COL22A1: variants seen among roughly 807,000 people sequenced by gnomAD.
COL22A1 encodes the protein collagen type XXII alpha 1 chain.
Under a neutral mutation model 248.9 loss-of-function variants are expected in COL22A1, and 221 were observed. That is an observed-to-expected ratio of 0.89 (90% CI 0.80 to 0.99). COL22A1 has a LOEUF of 0.99. Among genes scored for constraint, COL22A1 ranks in the 50% least tolerant of loss-of-function variants. COL22A1 has a pLI of 0.00. For missense variants in COL22A1, 2,240 were observed against 2,179.0 expected, an observed-to-expected ratio of 1.03 and a Z score of -0.56; for synonymous variants, 891 against 793.4, an observed-to-expected ratio of 1.12 and a Z score of -2.07.
intron 12 of COL22A1, among the ~76,000 whole-genome samples, chr8:138,784,601 G>C (rs1031109836): frequency 6.6e-6 from 1 of 152,142 alleles, no homozygotes. Flanking sequence ...GTTTAATAAT[G>C]GCAGAACCAA....
chr8:138,859,290 G>C (rs932410434), intron 3 of COL22A1, among the ~76,000 whole-genome samples: 14 of 152,216 alleles, frequency 9.2e-5, no homozygotes, highest in African/African-American at 3.4e-4. Context: ...GAGCCCCCAG[G>C]AAAGGGCAAG....
chr8:138,608,470 A>G (rs2131865318), intron 56 of COL22A1, among the ~76,000 whole-genome samples: 1 of 152,228 alleles, frequency 6.6e-6, no homozygotes, highest in African/African-American at 2.4e-5. Flanking sequence ...TCTCATTTAA[A>G]ATACGTAGAT....
intron 39 of COL22A1, 121 bp from the exon 40 acceptor site, chr8:138,679,797 T>A: frequency 1.1e-6 from 1 of 906,260 alleles, no homozygotes; most frequent in Non-Finnish European, 1.8e-6. Context: ...AGTGTCCAGA[T>A]TAGGGTCTGG....
chr8:138,746,331 T>G (rs1832106871), intron 22 of COL22A1, among the ~76,000 whole-genome samples: 1 of 152,166 alleles, frequency 6.6e-6, no homozygotes, highest in Non-Finnish European at 1.5e-5. Context: ...TGAGTGATGT[T>G]TCAATTGAAG....
intron 62 of COL22A1, 65 bp downstream of exon 62, chr8:138,596,839 G>T: frequency 1.4e-6 from 2 of 1,460,092 alleles, no homozygotes; most frequent in Non-Finnish European, 1.9e-6. Context: ...AGCATTCAAG[G>T]CTGAGTGAGA....
At chr8:138,729,524 C>T (rs1476886811) in intron 23 of COL22A1, among the ~76,000 whole-genome samples, 1 of 152,218 alleles carries the variant, frequency 6.6e-6, no homozygotes. Context: ...AACCTAGCAA[C>T]TGCCGTAGCC....
chr8:138,802,425 G>A (rs967434903), intron 11 of COL22A1, among the ~76,000 whole-genome samples: 2 of 151,882 alleles, frequency 1.3e-5, no homozygotes, highest in Non-Finnish European at 2.9e-5. Context: ...GCTGGGTTTT[G>A]GAGTGATGTC....
chr8:138,723,423 A>G (rs77253387), intron 25 of COL22A1, among the ~76,000 whole-genome samples: 1 of 152,174 alleles, frequency 6.6e-6, no homozygotes. Flanking sequence ...GCAAATGCCA[A>G]GGCCAGAAGC....
At chr8:138,639,409 A>T (rs556481407) in intron 47 of COL22A1, among the ~76,000 whole-genome samples, 2 of 152,342 alleles carry the variant, frequency 1.3e-5, no homozygotes, top group African/African-American at 4.8e-5. Flanking sequence ...AGTCAGAAAG[A>T]CTGACTGACC....
chr8:138,781,226 C>T (rs1814962063), intron 12 of COL22A1, among the ~76,000 whole-genome samples: 1 of 152,204 alleles, frequency 6.6e-6, no homozygotes, highest in East Asian at 1.9e-4. Flanking sequence ...GATCTGTATG[C>T]ACCTGATGTG....
At chr8:138,600,418 G>T (rs944712181) in intron 60 of COL22A1, among the ~76,000 whole-genome samples, 1 of 146,958 alleles carries the variant, frequency 6.8e-6, no homozygotes, top group Non-Finnish European at 1.5e-5. Flanking sequence ...TCTAACATAC[G>T]CACTTAAATG....
At chr8:138,630,056 T>A (rs1184958780) in intron 50 of COL22A1, among the ~76,000 whole-genome samples, 1 of 152,224 alleles carries the variant, frequency 6.6e-6, no homozygotes, top group African/African-American at 2.4e-5. Context: ...ATATATTCAT[T>A]TACTTGCCAT....
intron 23 of COL22A1, among the ~76,000 whole-genome samples, chr8:138,725,938 G>A (rs1261091705): frequency 2.6e-5 from 4 of 152,210 alleles, no homozygotes; most frequent in South Asian, 4.1e-4. Flanking sequence ...CTCTAGGTAT[G>A]GGGTGAGTGG....
At chr8:138,624,105 C>T (rs1820056600) in intron 51 of COL22A1, among the ~76,000 whole-genome samples, 1 of 152,092 alleles carries the variant, frequency 6.6e-6, no homozygotes, top group Non-Finnish European at 1.5e-5. Flanking sequence ...AAGTTTAGAA[C>T]ATGAGAGCCT....
chr8:138,697,163 G>A (rs1018731726), intron 32 of COL22A1, among the ~76,000 whole-genome samples: 1 of 152,132 alleles, frequency 6.6e-6, no homozygotes, highest in Non-Finnish European at 1.5e-5. Flanking sequence ...TTCCCTCCAG[G>A]GGCCCCCTGG....
intron 4 of COL22A1, 42 bp downstream of exon 4, chr8:138,844,042 A>T: frequency 6.4e-7 from 1 of 1,568,490 alleles, no homozygotes; most frequent in South Asian, 1.1e-5. Context: ...TCAGCAAATC[A>T]TACACCAAAG....
Position 138,855,526 on chromosome 8 carries a change from G to T in COL22A1, c.659-11368C>A, listed in dbSNP as rs187597856. On this transcript the variant is annotated intron_variant, in intron 3 of 64. Coordinates refer to ENST00000303045, the MANE Select transcript of COL22A1 (RefSeq NM_152888.3). The stretch of plus-strand genomic sequence containing the variant: ...AGTGCAGTGGGGCCTCTTGTGCATC[G>T]GAGCAGGAGCACCACAGCTTTCAAA... Among the ~76,000 whole-genome samples the T allele has an allele frequency of 2.3e-3, 349 of 152,242 alleles. 1 individual carries two copies. Among genetic ancestry groups the T allele is most frequent in the African/African-American group, 8.1e-3 (336 of 41,542 alleles).
intron 16 of COL22A1, among the ~76,000 whole-genome samples, chr8:138,767,388 C>T (rs1386837111): frequency 6.6e-6 from 1 of 152,122 alleles, no homozygotes; most frequent in Non-Finnish European, 1.5e-5. Context: ...AGTAGCCAGA[C>T]CTGGATTCTA....
At chr8:138,684,990 C>T (rs1310398320) in intron 38 of COL22A1, among the ~76,000 whole-genome samples, 1 of 152,222 alleles carries the variant, frequency 6.6e-6, no homozygotes, top group Non-Finnish European at 1.5e-5. Flanking sequence ...CGCAGCCTGT[C>T]TCATCCATCT....
Sources: gnomAD v4.1 joint callset for allele counts (sites outside exome capture counted in the v4.1 genomes callset) on GRCh38, gnomAD v4.1.1 for gene constraint, MANE v1.5 for transcripts, NCBI Gene and HGNC (gene_info 2026-07-23, HGNC 2026-07-21) for gene names.